DIRAS2: variants seen among roughly 807,000 people sequenced by gnomAD.
The protein encoded by DIRAS2 is DIRAS family GTPase 2.
A neutral mutation model predicts 13.9 loss-of-function variants in DIRAS2; 5 were observed. The ratio of observed to expected loss-of-function variants is 0.36; its 90% CI spans 0.19 to 0.76. The LOEUF (loss-of-function observed/expected upper bound fraction) is 0.76, where lower values mean the gene tolerates loss of function less well. Among genes scored for constraint, DIRAS2 ranks in the 30% least tolerant of loss-of-function variants. The pLI is 0.53. For synonymous variants in DIRAS2, 111 were observed against 105.4 expected, an observed-to-expected ratio of 1.05 and a Z score of -0.33; for missense variants, 191 against 263.0, an observed-to-expected ratio of 0.73 and a Z score of 1.89.
rs180956664 is a variant in DIRAS2 at position 90,631,333 on chromosome 9, G to A, written c.-37+11419C>T. ...ATGAGGTCAGCAAAGTAAAGGGGCC[G>A]GGACAGGCAGGTCATGTAGAGCTTT... On this transcript the variant is annotated intron_variant, in intron 1 of 1. Transcript: ENST00000375765. Among the ~76,000 whole-genome samples the A allele has an allele frequency of 2.1e-3, 324 of 152,256 alleles. 5 individuals are homozygous for A. The highest frequency in any genetic ancestry group is 7.3e-3 in the African/African-American group (302 of 41,546).
chr9:90,628,860 C>CT (rs71360440), intron 1 of DIRAS2, among the ~76,000 whole-genome samples: 56,068 of 147,776 alleles, frequency 0.38, 11,154 homozygotes, highest in East Asian at 0.56. Flanking sequence ...AAATATATTA[C>CT]TTTTTTTTTT....
At chr9:90,636,226 G>T (rs1421612165) in intron 1 of DIRAS2, among the ~76,000 whole-genome samples, 1 of 151,688 alleles carries the variant, frequency 6.6e-6, no homozygotes, top group African/African-American at 2.4e-5. Flanking sequence ...TTTTAGCAGA[G>T]ATGGGGTTTC....
intron 1 of DIRAS2, among the ~76,000 whole-genome samples, chr9:90,639,320 A>G (rs1825397899): frequency 6.6e-6 from 1 of 152,216 alleles, no homozygotes; most frequent in South Asian, 2.1e-4. Context: ...ATGAGATTTC[A>G]CCCTAAACTT....
chr9:90,613,975 A>G lies in DIRAS2; in HGVS notation c.-36-112T>C. ...TAAAAATGGGAGGTGATAACATTTA[A>G]AATAGCGACAATTCTAAATCCAATA... is the stretch of plus-strand genomic sequence containing the variant. On this transcript the variant is annotated intron_variant, in intron 1 of 1. Transcript: ENST00000375765. This position sits in a 1 kb window ranked among gnomAD's most constrained non-coding sequence, Gnocchi z 5.6. 1.9e-6 allele frequency: 2 copies of G among 1,060,692 alleles called. No individual in the cohort carries two copies. The highest frequency in any genetic ancestry group is 2.6e-6 in the Non-Finnish European group (2 of 756,204). 65.7% of individuals were successfully genotyped at this position (1,060,692 alleles called of 1,614,324 possible). A position where few individuals can be genotyped will look rare whatever the true frequency, so the allele number is the denominator to read the frequency against.
chr9:90,628,545 A>T (rs915364926), intron 1 of DIRAS2, among the ~76,000 whole-genome samples: 7 of 151,600 alleles, frequency 4.6e-5, no homozygotes, highest in Non-Finnish European at 1.0e-4. Context: ...ACACACACAC[A>T]CACACACGTA....
chr9:90,628,905 A>G (rs1825297471), intron 1 of DIRAS2, among the ~76,000 whole-genome samples: 1 of 151,386 alleles, frequency 6.6e-6, no homozygotes, highest in South Asian at 2.1e-4. Context: ...CCCAGGCTGG[A>G]GTGCAGTGGC....
At chr9:90,625,319 C>A (rs1160066511) in intron 1 of DIRAS2, among the ~76,000 whole-genome samples, 1 of 152,080 alleles carries the variant, frequency 6.6e-6, no homozygotes, top group African/African-American at 2.4e-5. Flanking sequence ...TGGCAAGGTA[C>A]AAAAAATGAT....
At chr9:90,635,931 T>A (rs915211041) in intron 1 of DIRAS2, among the ~76,000 whole-genome samples, 2 of 151,834 alleles carry the variant, frequency 1.3e-5, no homozygotes, top group Non-Finnish European at 2.9e-5. Flanking sequence ...GCAAGACCCT[T>A]CTGCCCCGAA....
intron 1 of DIRAS2, among the ~76,000 whole-genome samples, chr9:90,615,581 CAG>C (rs1825161754): frequency 6.6e-6 from 1 of 152,166 alleles, no homozygotes. Context: ...GTCACTATAA[CAG>C]AATACCTCAG....
intron 1 of DIRAS2, among the ~76,000 whole-genome samples, chr9:90,630,190 T>C (rs776678881): frequency 2.6e-5 from 4 of 152,186 alleles, no homozygotes; most frequent in African/African-American, 4.8e-5. Flanking sequence ...TCTAGCCCAA[T>C]GTCAGGTACA....
At chr9:90,614,318 G>GTA (rs1366695676) in intron 1 of DIRAS2, among the ~76,000 whole-genome samples, 1 of 149,986 alleles carries the variant, frequency 6.7e-6, no homozygotes, top group Non-Finnish European at 1.5e-5. Context: ...GTGTGTGTGT[G>GTA]TGTGTGTGTG....
chr9:90,620,741 C>CAA (rs577185569), intron 1 of DIRAS2, among the ~76,000 whole-genome samples: 4,438 of 132,108 alleles, frequency 0.034, 115 homozygotes, highest in South Asian at 0.13. Context: ...TCCGCTGTCT[C>CAA]AAAAAAAAAA....
At chr9:90,627,663 A>C (rs1176165107) in intron 1 of DIRAS2, among the ~76,000 whole-genome samples, 1 of 152,214 alleles carries the variant, frequency 6.6e-6, no homozygotes, top group East Asian at 1.9e-4. Flanking sequence ...ACATGCTTGA[A>C]AATGATTTAA....
At position 90,612,931 on chromosome 9, in the gene DIRAS2, T is replaced by C. The variant is rs1671703276; in HGVS notation, c.*297A>G. 2.5e-6 allele frequency: 1 copy of C among 403,928 alleles called. No individual in the cohort carries two copies. Among genetic ancestry groups the C allele is most frequent in the African/African-American group, 2.0e-5 (1 of 49,418 alleles). The allele number at this position is 403,928 out of a possible 1,614,324, so 25.0% of individuals were successfully genotyped here. ...CATGTTGCTTTGTGGGTACCAGTCCTCCCTCCCACCTTCGGGTGTTCATCG... is the reference window on the plus strand; with the variant it reads ...CATGTTGCTTTGTGGGTACCAGTCCCCCCTCCCACCTTCGGGTGTTCATCG... On this transcript the variant is annotated 3_prime_UTR_variant, in exon 2 of 2. Coordinates refer to ENST00000375765, the MANE Select transcript of DIRAS2 (RefSeq NM_017594.5).
chr9:90,613,881 T>A lies in DIRAS2; in HGVS notation c.-36-18A>T. The A allele has an allele frequency of 6.5e-7, 1 of 1,540,796 alleles. No homozygotes were observed. The highest frequency in any genetic ancestry group is 2.1e-5 in the Admixed American group (1 of 47,478). The stretch of plus-strand genomic sequence containing the variant: ...GGACGCACCTAGCAAAGGAACCAGA[T>A]GTTTGAAAGAATTAATAATTAAAAT... On this transcript the variant is annotated intron_variant, in intron 1 of 1. Coordinates refer to ENST00000375765, the MANE Select transcript of DIRAS2 (RefSeq NM_017594.5). The surrounding 1 kb of genome is among the most constrained non-coding windows in gnomAD (Gnocchi z 5.6).
chr9:90,624,818 G>A (rs921478647), intron 1 of DIRAS2, among the ~76,000 whole-genome samples: 4 of 151,928 alleles, frequency 2.6e-5, no homozygotes, highest in Non-Finnish European at 5.9e-5. Context: ...GGGTTCAAGC[G>A]AATCTCCTGC....
chr9:90,640,377 TGAG>T (rs1375555551), intron 1 of DIRAS2, among the ~76,000 whole-genome samples: 2 of 152,182 alleles, frequency 1.3e-5, no homozygotes, highest in Admixed American at 6.5e-5. Flanking sequence ...TCCCCGTCAG[TGAG>T]GAGAGGCTTG....
intron 1 of DIRAS2, among the ~76,000 whole-genome samples, chr9:90,638,510 G>A (rs1395530894): frequency 2.6e-5 from 4 of 152,136 alleles, no homozygotes; most frequent in Admixed American, 6.5e-5. Context: ...ACCCAGTGAA[G>A]GCCAAAGAGG....
chr9:90,623,583 T>C (rs1449593235), intron 1 of DIRAS2, among the ~76,000 whole-genome samples: 1 of 152,224 alleles, frequency 6.6e-6, no homozygotes, highest in African/African-American at 2.4e-5. Flanking sequence ...TGGGCCTAGA[T>C]TCAGGGAAAA....
Sources: allele counts gnomAD v4.1 joint callset (sites outside exome capture counted in the v4.1 genomes callset), GRCh38; gene constraint gnomAD v4.1.1; non-coding constraint Gnocchi (gnomAD v3.1); transcripts MANE v1.5; gene names NCBI Gene and HGNC (gene_info 2026-07-23, HGNC 2026-07-21).